Variants in CDH9 observed in about 807,000 individuals in gnomAD.
The protein encoded by CDH9 is cadherin-9.
A neutral mutation model predicts 70.9 loss-of-function variants in CDH9; 28 were observed. The ratio of observed to expected loss-of-function variants is 0.40; its 90% CI spans 0.29 to 0.54. The LOEUF is 0.54. Ranked by LOEUF, CDH9 falls within the 20% of genes least tolerant of loss-of-function variation. The pLI is 0.59. For missense variants in CDH9, 874 were observed against 984.4 expected (o/e 0.89, Z 1.50); for synonymous variants, 409 against 343.1 (o/e 1.19, Z -2.12).
chr5:26,988,451 A>G, intron 1 of CDH9, 69 bp from the exon 2 acceptor site: 2 of 1,304,372 alleles, frequency 1.5e-6, no homozygotes, highest in Non-Finnish European at 2.1e-6. Context: ...GTGTAAACTG[A>G]AATACTTATT....
At position 26,922,704 on chromosome 5, in the gene CDH9, CATATT is replaced by C. The variant is rs1303565870; in HGVS notation, c.229-6785_229-6781del. On this transcript the variant is annotated intron_variant, in intron 2 of 11. Coordinates refer to ENST00000231021, the MANE Select transcript of CDH9 (RefSeq NM_016279.4). ...CCCAGAAAGACACAGAATATTATAA[CATATT>C]ATAAGACTGTAATTACTGTGTATAA... Among the ~76,000 whole-genome samples, 3 of 151,876 alleles carry C rather than the reference CATATT, an allele frequency of 2.0e-5. No individual in the cohort carries two copies. The East Asian group carries it at 5.8e-4, about 29-fold the overall frequency.
chr5:27,002,479 A>G (rs2112106986), intron 1 of CDH9, among the ~76,000 whole-genome samples: 1 of 152,314 alleles, frequency 6.6e-6, no homozygotes, highest in Non-Finnish European at 1.5e-5. Context: ...ACGTATGTTT[A>G]TTGTGGCACT....
chr5:27,034,217 G>A (rs572714449), intron 1 of CDH9, among the ~76,000 whole-genome samples: 1 of 151,620 alleles, frequency 6.6e-6, no homozygotes, highest in East Asian at 2.0e-4. Context: ...TATTTCCACT[G>A]TAAATTGAAT....
At chr5:26,988,625 A>C (rs1458240947) in intron 1 of CDH9, among the ~76,000 whole-genome samples, 1 of 152,018 alleles carries the variant, frequency 6.6e-6, no homozygotes, top group African/African-American at 2.4e-5. Flanking sequence ...ACTATAAAAC[A>C]ATCAGATACA....
At chr5:27,007,237 A>G (rs569256005) in intron 1 of CDH9, among the ~76,000 whole-genome samples, 15 of 152,220 alleles carry the variant, frequency 9.9e-5, no homozygotes, top group Non-Finnish European at 2.9e-5. Flanking sequence ...TTAAAACTGT[A>G]TTTGATTTGA....
At chr5:26,916,211 T>C (rs1741147131) in intron 2 of CDH9, among the ~76,000 whole-genome samples, 1 of 152,004 alleles carries the variant, frequency 6.6e-6, no homozygotes, top group African/African-American at 2.4e-5. Context: ...TTACCAAGAT[T>C]TAAACCTCCA....
intron 1 of CDH9, among the ~76,000 whole-genome samples, chr5:27,038,235 C>G (rs1743427636): frequency 1.3e-5 from 2 of 151,866 alleles, no homozygotes; most frequent in South Asian, 2.1e-4. Context: ...TAGGTATCAG[C>G]TTTGCAAAAG....
intron 1 of CDH9, among the ~76,000 whole-genome samples, chr5:26,992,072 A>T (rs75191050): frequency 1.1e-3 from 168 of 152,258 alleles, no homozygotes; most frequent in African/African-American, 3.8e-3. Context: ...CAGGCACTGG[A>T]TTCTCATAAG....
chr5:26,950,484 G>C (rs1309894126), intron 2 of CDH9, among the ~76,000 whole-genome samples: 2 of 152,110 alleles, frequency 1.3e-5, no homozygotes, highest in Non-Finnish European at 2.9e-5. Context: ...TTGCTAAAAT[G>C]CCTCTAGAAA....
At chr5:26,973,980 C>G (rs1347759611) in intron 2 of CDH9, among the ~76,000 whole-genome samples, 1 of 152,094 alleles carries the variant, frequency 6.6e-6, no homozygotes, top group African/African-American at 2.4e-5. Flanking sequence ...TGTGATGGCT[C>G]ACGTCTGTAA....
At chr5:26,882,342 A>C (rs1200008486) in intron 11 of CDH9, among the ~76,000 whole-genome samples, 2 of 152,066 alleles carry the variant, frequency 1.3e-5, no homozygotes, top group Non-Finnish European at 2.9e-5. Context: ...ACAAGGTCCG[A>C]TTTAAGCTTT....
chr5:26,975,717 A>G (rs2112078380), intron 2 of CDH9, among the ~76,000 whole-genome samples: 1 of 152,338 alleles, frequency 6.6e-6, no homozygotes, highest in African/African-American at 2.4e-5. Context: ...ACAAAAATTT[A>G]TTGACACTGG....
At chr5:27,010,035 A>G (rs1404612766) in intron 1 of CDH9, among the ~76,000 whole-genome samples, 1 of 152,114 alleles carries the variant, frequency 6.6e-6, no homozygotes, top group Non-Finnish European at 1.5e-5. Context: ...TCTTCCTTAT[A>G]TAATCATTCA....
intron 2 of CDH9, among the ~76,000 whole-genome samples, chr5:26,954,473 C>T (rs959956080): frequency 1.2e-4 from 17 of 141,998 alleles, no homozygotes; most frequent in African/African-American, 4.5e-4. Context: ...CAAGCTTCGC[C>T]TCCCGGGTTC....
At chr5:27,035,620 A>G (rs1258911156) in intron 1 of CDH9, among the ~76,000 whole-genome samples, 1 of 151,442 alleles carries the variant, frequency 6.6e-6, no homozygotes, top group East Asian at 2.0e-4. Context: ...TAGAGTTTTT[A>G]TTACAAAAAA....
chr5:26,983,826 A>C (rs976359503), intron 2 of CDH9, among the ~76,000 whole-genome samples: 1 of 152,160 alleles, frequency 6.6e-6, no homozygotes. Context: ...TTTCTAATTT[A>C]TATTCCATCA....
At chr5:26,884,668 T>C (rs1030467157) in intron 11 of CDH9, among the ~76,000 whole-genome samples, 1 of 152,190 alleles carries the variant, frequency 6.6e-6, no homozygotes, top group African/African-American at 2.4e-5. Flanking sequence ...TGCAAGGATA[T>C]CTGGCCAAAG....
At chr5:26,992,862 C>T (rs949211968) in intron 1 of CDH9, among the ~76,000 whole-genome samples, 13 of 152,072 alleles carry the variant, frequency 8.5e-5, no homozygotes, top group Non-Finnish European at 1.5e-4. Context: ...ATTAGAAGGC[C>T]GAGGCGGGCG....
chr5:26,983,680 A>G (rs2112086942), intron 2 of CDH9, among the ~76,000 whole-genome samples: 1 of 152,210 alleles, frequency 6.6e-6, no homozygotes, highest in East Asian at 1.9e-4. Flanking sequence ...CAGCTGCTCC[A>G]TGTACTGCAC....
Sources: gnomAD v4.1 joint callset for allele counts (sites outside exome capture counted in the v4.1 genomes callset) on GRCh38, gnomAD v4.1.1 for gene constraint, MANE v1.5 for transcripts, NCBI Gene and HGNC (gene_info 2026-07-23, HGNC 2026-07-21) for gene names.